The following STX8 variants were observed in gnomAD, a reference collection of about 807,000 sequenced individuals.
STX8 encodes syntaxin-8.
A neutral mutation model predicts 37.5 loss-of-function variants in STX8; 23 were observed. The observed-to-expected ratio is 0.61, with a 90% CI of 0.44 to 0.87. The LOEUF (loss-of-function observed/expected upper bound fraction) is 0.87, where lower values mean the gene tolerates loss of function less well. Among genes scored for constraint, STX8 ranks in the 40% least tolerant of loss-of-function variants. The pLI, the probability that STX8 is intolerant of heterozygous loss-of-function variation, is 0.00. For synonymous variants in STX8, 115 were observed against 99.1 expected (o/e 1.16, Z -0.95); for missense variants, 313 against 284.7 (o/e 1.10, Z -0.71).
intron 6 of STX8, among the ~76,000 whole-genome samples, chr17:9,426,682 G>T (rs1200196241): frequency 1.3e-5 from 2 of 151,926 alleles, no homozygotes; most frequent in Non-Finnish European, 2.9e-5. Flanking sequence ...GATCGCTTGA[G>T]CCTGGGAGGT....
intron 2 of STX8, among the ~76,000 whole-genome samples, chr17:9,562,190 T>C (rs914744071): frequency 5.3e-5 from 8 of 150,210 alleles, no homozygotes; most frequent in African/African-American, 2.0e-4. Context: ...GATCACAAGG[T>C]CAGGAGATCG....
At position 9,274,786 on chromosome 17, in the gene STX8, C is replaced by G. The variant is rs1289719208; in HGVS notation, c.644-24141G>C. Among the ~76,000 whole-genome samples, 4 of 116,800 alleles carry G rather than the reference C, an allele frequency of 3.4e-5. No homozygotes were observed. In the Admixed American group the frequency reaches 4.6e-4, roughly 14 times the overall value. The allele number at this position is 116,800 out of a possible 152,430, so 76.6% of individuals were successfully genotyped here. A position where few individuals can be genotyped will look rare whatever the true frequency, so the allele number is the denominator to read the frequency against. On this transcript the variant is annotated intron_variant, in intron 7 of 7. Coordinates refer to ENST00000306357, the MANE Select transcript of STX8 (RefSeq NM_004853.3). Reference sequence around the variant, plus strand: ...TTTTTTTTTGAGACGGAGTCTCGCTCTGTCACCAGGCTGGAGTGCAGTGGC... The same window carrying G: ...TTTTTTTTTGAGACGGAGTCTCGCTGTGTCACCAGGCTGGAGTGCAGTGGC...
intron 6 of STX8, among the ~76,000 whole-genome samples, chr17:9,481,249 A>G (rs867668688): frequency 3.3e-5 from 5 of 152,286 alleles, no homozygotes; most frequent in East Asian, 1.9e-4. Flanking sequence ...AAGTGCACCC[A>G]AAGTCCTCAG....
At chr17:9,503,721 A>C (rs1338641279) in intron 5 of STX8, among the ~76,000 whole-genome samples, 1 of 152,224 alleles carries the variant, frequency 6.6e-6, no homozygotes. Flanking sequence ...GTATCTGTAC[A>C]TACTGACATT....
chr17:9,481,898 C>T (rs565437554), intron 6 of STX8, among the ~76,000 whole-genome samples: 3 of 152,296 alleles, frequency 2.0e-5, no homozygotes, highest in East Asian at 1.9e-4. Context: ...TTAACAGTTT[C>T]GTCCTGAAAC....
intron 6 of STX8, among the ~76,000 whole-genome samples, chr17:9,438,621 C>A (rs566586945): frequency 6.6e-6 from 1 of 152,194 alleles, no homozygotes; most frequent in African/African-American, 2.4e-5. Flanking sequence ...GGTGCAAAAG[C>A]AACCATACAT....
rs1314463646 is a variant in STX8, at chr17:9,250,719, CAG to C, written c.644-76_644-75del. The C allele has an allele frequency of 3.5e-6, 5 of 1,410,632 alleles. No homozygotes were observed. The South Asian group carries it at 3.7e-5, about 10-fold the overall frequency. 87.4% of individuals were successfully genotyped at this position (1,410,632 alleles called of 1,614,324 possible). On this transcript the variant is annotated intron_variant, in intron 7 of 7. Coordinates refer to ENST00000306357, the MANE Select transcript of STX8 (RefSeq NM_004853.3). ...AAGCATCACACATTCTGAGTGTCTG[CAG>C]AGACTCAGAGGGATGTAGTTCCCTC... is the stretch of plus-strand genomic sequence containing the variant.
intron 6 of STX8, among the ~76,000 whole-genome samples, chr17:9,455,343 CA>C (rs1034039189): frequency 1.3e-5 from 2 of 151,554 alleles, no homozygotes; most frequent in African/African-American, 4.8e-5. Flanking sequence ...ACTAAAAATA[CA>C]AAAAAATTAG....
intron 6 of STX8, among the ~76,000 whole-genome samples, chr17:9,446,559 C>A (rs1254302822): frequency 6.6e-6 from 1 of 152,148 alleles, no homozygotes; most frequent in Non-Finnish European, 1.5e-5. Context: ...TTTTCCTTTT[C>A]ACGGGAGTGC....
intron 6 of STX8, among the ~76,000 whole-genome samples, chr17:9,414,319 A>G (rs551881098): frequency 4.5e-4 from 68 of 151,804 alleles, no homozygotes; most frequent in African/African-American, 1.5e-3. Context: ...GTGGTGCAGA[A>G]CTTTTTTTTT....
chr17:9,419,559 TGGGAG>T (rs1322042900), intron 6 of STX8, among the ~76,000 whole-genome samples: 1 of 152,114 alleles, frequency 6.6e-6, no homozygotes, highest in Non-Finnish European at 1.5e-5. Context: ...GGACAACAAA[TGGGAG>T]GTAGATATTA....
intron 6 of STX8, among the ~76,000 whole-genome samples, chr17:9,441,631 T>C (rs569998540): frequency 7.3e-5 from 11 of 150,348 alleles, no homozygotes; most frequent in Non-Finnish European, 1.2e-4. Context: ...GGCGCTGCCC[T>C]AAGACGCTGA....
At chr17:9,252,071 G>A (rs556150300) in intron 7 of STX8, among the ~76,000 whole-genome samples, 5 of 150,968 alleles carry the variant, frequency 3.3e-5, no homozygotes, top group Admixed American at 6.6e-5. Context: ...TTGGGAGGCC[G>A]AGGCGGGCAG....
chr17:9,316,384 T>C (rs888958041), intron 7 of STX8, among the ~76,000 whole-genome samples: 2 of 152,002 alleles, frequency 1.3e-5, no homozygotes, highest in Admixed American at 6.6e-5. Context: ...ATTAGGAGGT[T>C]TGAACTTTCA....
At chr17:9,459,990 T>C (rs1905307454) in intron 6 of STX8, among the ~76,000 whole-genome samples, 1 of 152,198 alleles carries the variant, frequency 6.6e-6, no homozygotes, top group Admixed American at 6.5e-5. Context: ...AAGACAGAAA[T>C]GTGGCTTGCA....
intron 7 of STX8, among the ~76,000 whole-genome samples, chr17:9,253,512 A>T (rs1228838227): frequency 6.6e-6 from 1 of 152,118 alleles, no homozygotes; most frequent in East Asian, 1.9e-4. Context: ...GTTGCGCAAC[A>T]TGAGGAGAAG....
At chr17:9,437,515 C>T (rs999570283) in intron 6 of STX8, among the ~76,000 whole-genome samples, 4 of 152,178 alleles carry the variant, frequency 2.6e-5, no homozygotes, top group Admixed American at 6.5e-5. Context: ...AAATTGCAGA[C>T]GTCTGACAAC....
At chr17:9,253,353 A>G (rs553759175) in intron 7 of STX8, among the ~76,000 whole-genome samples, 3 of 152,160 alleles carry the variant, frequency 2.0e-5, no homozygotes, top group African/African-American at 7.2e-5. Flanking sequence ...CAGAAGCAGA[A>G]GAACAAATCT....
At chr17:9,304,519 A>AG (rs1279965819) in intron 7 of STX8, among the ~76,000 whole-genome samples, 4 of 151,158 alleles carry the variant, frequency 2.6e-5, no homozygotes, top group African/African-American at 9.7e-5. Context: ...AAAAAAAAAA[A>AG]AAAAAAAAAA....
Sources: allele counts gnomAD v4.1 joint callset (sites outside exome capture counted in the v4.1 genomes callset), GRCh38; gene constraint gnomAD v4.1.1; transcripts MANE v1.5; gene names NCBI Gene and HGNC (gene_info 2026-07-23, HGNC 2026-07-21).